SUZ12: variants seen among roughly 807,000 people sequenced by gnomAD.
SUZ12 encodes polycomb protein SUZ12.
Under a neutral mutation model 87.3 loss-of-function variants are expected in SUZ12, and 17 were observed. The ratio of observed to expected loss-of-function variants is 0.19; its 90% CI spans 0.13 to 0.29. The LOEUF is 0.29. Ranked by LOEUF, SUZ12 falls within the 10% of genes least tolerant of loss-of-function variation. SUZ12 has a pLI of 1.00. For synonymous variants in SUZ12, 253 were observed against 312.4 expected (o/e 0.81, Z 2.01); for missense variants, 526 against 912.2 (o/e 0.58, Z 5.45).
intron 3 of SUZ12, among the ~76,000 whole-genome samples, chr17:31,945,289 A>G (rs1307772256): frequency 6.6e-6 from 1 of 152,170 alleles, no homozygotes; most frequent in South Asian, 2.1e-4. Flanking sequence ...CATAATATCC[A>G]TTGTTGGAAT....
chr17:31,979,847 T>G (rs962705239), intron 8 of SUZ12, among the ~76,000 whole-genome samples: 4 of 152,206 alleles, frequency 2.6e-5, no homozygotes, highest in Non-Finnish European at 5.9e-5. Flanking sequence ...GTTTTAGCAT[T>G]GATTGATTAT....
intron 10 of SUZ12, among the ~76,000 whole-genome samples, chr17:31,988,927 C>T (rs1432443983): frequency 6.6e-6 from 1 of 151,416 alleles, no homozygotes; most frequent in East Asian, 2.0e-4. Flanking sequence ...AAAAATTTAG[C>T]CAGGTGTGGT....
rs9913796 is a variant in SUZ12, at chr17:31,938,865, C to T, written c.274+1345C>T. Among the ~76,000 whole-genome samples the T allele has an allele frequency of 8.4e-3, 1,285 of 152,234 alleles. 17 individuals are homozygous for T. Among genetic ancestry groups the T allele is most frequent in the African/African-American group, 0.03 (1,231 of 41,526 alleles). ...TCTGATGAGTCGACCTCAGGGAAGT[C>T]AAGTGTCATTAAGAGCTAGATCTGG... On this transcript the variant is annotated intron_variant, in intron 1 of 15. Coordinates refer to ENST00000322652, the MANE Select transcript of SUZ12 (RefSeq NM_015355.4).
intron 3 of SUZ12, among the ~76,000 whole-genome samples, chr17:31,944,686 G>C (rs1906514462): frequency 6.6e-6 from 1 of 152,118 alleles, no homozygotes; most frequent in Non-Finnish European, 1.5e-5. Flanking sequence ...AATAGGCTAG[G>C]CATGGTGTTT....
At chr17:31,957,283 A>G (rs1429037987) in intron 4 of SUZ12, among the ~76,000 whole-genome samples, 1 of 150,638 alleles carries the variant, frequency 6.6e-6, no homozygotes, top group African/African-American at 2.4e-5. Flanking sequence ...TTTGTTGCCC[A>G]GGCTGTAGTG....
chr17:31,947,815 ACT>A (rs1480066602), intron 4 of SUZ12, 130 bp downstream of exon 4: 1 of 910,462 alleles, frequency 1.1e-6, no homozygotes, highest in African/African-American at 1.7e-5. Context: ...TTTGGTCCAA[ACT>A]CACACACAAG....
intron 10 of SUZ12, among the ~76,000 whole-genome samples, chr17:31,991,248 A>T (rs1306245246): frequency 6.6e-6 from 1 of 152,144 alleles, no homozygotes; most frequent in African/African-American, 2.4e-5. Context: ...GCAGTGGCTG[A>T]CATCTGTAAT....
At chr17:31,976,255 C>T (rs1043160457) in intron 7 of SUZ12, among the ~76,000 whole-genome samples, 1 of 152,104 alleles carries the variant, frequency 6.6e-6, no homozygotes. Flanking sequence ...GGAGTTACCA[C>T]GAGTGAGAAG....
At chr17:31,961,228 T>G (rs1392667773) in intron 4 of SUZ12, among the ~76,000 whole-genome samples, 1 of 149,488 alleles carries the variant, frequency 6.7e-6, no homozygotes, top group Non-Finnish European at 1.5e-5. Flanking sequence ...AAAAAAAAAT[T>G]CTTTCTCACA....
rs1598189781 is a variant in SUZ12 at position 31,993,984 on chromosome 17, T to C, written c.1413T>C (p.His471=). 1.2e-6 allele frequency: 2 copies of C among 1,612,904 alleles called. No individual in the cohort carries two copies. The highest frequency in any genetic ancestry group is 1.1e-5 in the South Asian group (1 of 90,586). The part of the protein sequence containing the change: ...YSLLKHLKLC[H]SRFIFNYVYH... ...TACTCAAGCATCTTAAACTCTGCCA[T>C]AGCAGATTTATCTTCAACTATGTTG... The change falls in exon 12 of 16, where the codon CAT becomes CAC. Residue 471 remains histidine (H), a synonymous_variant. Transcript: ENST00000322652.
intron 5 of SUZ12, among the ~76,000 whole-genome samples, chr17:31,970,499 A>G (rs773478217): frequency 9.9e-5 from 15 of 152,034 alleles, no homozygotes; most frequent in Non-Finnish European, 2.1e-4. Context: ...ATGGTGTTTC[A>G]TCCCCATAAT....
At chr17:31,967,753 G>A (rs1908184847) in intron 5 of SUZ12, among the ~76,000 whole-genome samples, 1 of 152,206 alleles carries the variant, frequency 6.6e-6, no homozygotes, top group South Asian at 2.1e-4. Context: ...GTAGTTCTAG[G>A]TACTTGGAAG....
intron 5 of SUZ12, among the ~76,000 whole-genome samples, chr17:31,971,640 G>T (rs1341810614): frequency 6.6e-6 from 1 of 151,810 alleles, no homozygotes; most frequent in Admixed American, 6.6e-5. Context: ...GTGTTGGTCA[G>T]GCTGGTCTCA....
At chr17:31,938,867 A>G (rs866845039) in intron 1 of SUZ12, among the ~76,000 whole-genome samples, 5 of 152,320 alleles carry the variant, frequency 3.3e-5, no homozygotes, top group Middle Eastern at 6.8e-3. Context: ...AGGGAAGTCA[A>G]GTGTCATTAA....
rs150741605 is a variant in SUZ12 at position 31,945,304 on chromosome 17, A to G, written c.387-2313A>G. On this transcript the variant is annotated intron_variant, in intron 3 of 15. Coordinates refer to ENST00000322652, the MANE Select transcript of SUZ12 (RefSeq NM_015355.4). Reference sequence around the variant, plus strand: ...CATAATATCCATTGTTGGAATAAGCATATCACTCCCTTTAAAGTCATACTC... The same window carrying G: ...CATAATATCCATTGTTGGAATAAGCGTATCACTCCCTTTAAAGTCATACTC... 4.3e-3 allele frequency among the ~76,000 whole-genome samples: 650 copies of G among 152,280 alleles called. 5 individuals are homozygous for G. Among genetic ancestry groups the G allele is most frequent in the Middle Eastern group, 0.01 (3 of 294 alleles).
intron 9 of SUZ12, among the ~76,000 whole-genome samples, chr17:31,983,331 A>G (rs1258680688): frequency 7.1e-6 from 1 of 141,274 alleles, no homozygotes; most frequent in Admixed American, 7.5e-5. Flanking sequence ...GCTGGAGTGC[A>G]GTGGCATGGT....
intron 3 of SUZ12, among the ~76,000 whole-genome samples, chr17:31,947,309 A>G (rs554275405): frequency 6.6e-6 from 1 of 152,254 alleles, no homozygotes; most frequent in South Asian, 2.1e-4. Flanking sequence ...AGGAAACTGA[A>G]TGAAAAGTAA....
chr17:31,972,808 C>G (rs1908519808), intron 5 of SUZ12, among the ~76,000 whole-genome samples: 1 of 150,186 alleles, frequency 6.7e-6, no homozygotes, highest in South Asian at 2.2e-4. Flanking sequence ...GTGAGGATCA[C>G]TTGATCCCAG....
chr17:31,982,534 C>T (rs574782897), intron 8 of SUZ12, among the ~76,000 whole-genome samples: 3 of 152,130 alleles, frequency 2.0e-5, no homozygotes, highest in South Asian at 4.1e-4. Flanking sequence ...TGGCACGCGC[C>T]TGTAATCCCA....
Sources: gnomAD v4.1 joint callset for allele counts (sites outside exome capture counted in the v4.1 genomes callset) on GRCh38, gnomAD v4.1.1 for gene constraint, MANE v1.5 for transcripts, NCBI Gene and HGNC (gene_info 2026-07-23, HGNC 2026-07-21) for gene names.